Variants in WDR70 observed in about 807,000 individuals in gnomAD.
The protein encoded by WDR70 is WD repeat domain 70, also known as WD repeat-containing protein 70.
In WDR70, 53 loss-of-function variants were observed where a neutral mutation model predicts 88.6. The ratio of observed to expected loss-of-function variants is 0.60; its 90% CI spans 0.48 to 0.75. WDR70 has a LOEUF of 0.75. WDR70 is among the 30% of genes least tolerant of loss of function. The pLI, the probability that WDR70 is intolerant of heterozygous loss-of-function variation, is 0.00. For synonymous variants in WDR70, 280 were observed against 270.0 expected, an observed-to-expected ratio of 1.04 and a Z score of -0.36; for missense variants, 610 against 823.2, an observed-to-expected ratio of 0.74 and a Z score of 3.17.
intron 10 of WDR70, among the ~76,000 whole-genome samples, chr5:37,682,475 T>C (rs571130421): frequency 1.3e-5 from 2 of 151,854 alleles, no homozygotes; most frequent in African/African-American, 4.8e-5. Flanking sequence ...GCTTTGGGGT[T>C]GCTTTGCTTT....
At position 37,379,560 on chromosome 5, in the gene WDR70, T is replaced by C. The variant is rs1561829849; in HGVS notation, c.91+6T>C. On this transcript the variant is annotated splice_donor_region_variant and intron_variant, in intron 2 of 17. Coordinates refer to ENST00000265107, the MANE Select transcript of WDR70 (RefSeq NM_018034.4). ...CATGGGCTTCACGGGGTTCGGTGAG[T>C]GACTGCCCCAGGCAGAGACCCTCTT... 6.2e-7 allele frequency: 1 copy of C among 1,613,754 alleles called. No homozygotes were observed. The highest frequency in any genetic ancestry group is 1.1e-5 in the South Asian group (1 of 91,076).
At chr5:37,505,901 C>T in intron 8 of WDR70, 2 of 1,354,638 alleles carry the variant, frequency 1.5e-6, no homozygotes, top group Non-Finnish European at 2.1e-6. Context: ...TTCCTGTCAT[C>T]TGACTTCCTT....
At chr5:37,686,913 C>T (rs9292667) in intron 10 of WDR70, among the ~76,000 whole-genome samples, 5,661 of 148,132 alleles carry the variant, frequency 0.038, 378 homozygotes, top group African/African-American at 0.13. Context: ...TGTGCCATTG[C>T]ACTCCAGCCT....
intron 3 of WDR70, among the ~76,000 whole-genome samples, chr5:37,391,610 G>C (rs548421923): frequency 6.6e-6 from 1 of 152,062 alleles, no homozygotes; most frequent in Non-Finnish European, 1.5e-5. Context: ...TTCCTTTTTG[G>C]GTGAACAATA....
chr5:37,566,363 C>A (rs1742741391), intron 9 of WDR70, among the ~76,000 whole-genome samples: 1 of 151,950 alleles, frequency 6.6e-6, no homozygotes, highest in Non-Finnish European at 1.5e-5. Flanking sequence ...ATTAATTACC[C>A]AGTATTATTT....
intron 10 of WDR70, among the ~76,000 whole-genome samples, chr5:37,619,252 A>G (rs2112500873): frequency 6.6e-6 from 1 of 151,110 alleles, no homozygotes; most frequent in African/African-American, 2.5e-5. Context: ...AATTGGCAAT[A>G]TGGAGTAAAT....
At chr5:37,741,726 C>T (rs1748488177) in intron 17 of WDR70, among the ~76,000 whole-genome samples, 1 of 151,966 alleles carries the variant, frequency 6.6e-6, no homozygotes, top group Non-Finnish European at 1.5e-5. Context: ...CAATAGCAGT[C>T]TGGGGGTTGG....
chr5:37,652,650 C>T (rs955539426), intron 10 of WDR70, among the ~76,000 whole-genome samples: 2 of 152,180 alleles, frequency 1.3e-5, no homozygotes, highest in Non-Finnish European at 2.9e-5. Flanking sequence ...TGAAGAGGTC[C>T]TTCACATCCC....
At chr5:37,504,695 T>A (rs4086257) in intron 8 of WDR70, among the ~76,000 whole-genome samples, 1 of 151,980 alleles carries the variant, frequency 6.6e-6, no homozygotes, top group Non-Finnish European at 1.5e-5. Flanking sequence ...CTATGCATAT[T>A]TACCCTTTAC....
intron 5 of WDR70, among the ~76,000 whole-genome samples, chr5:37,402,293 T>TTGTGTG (rs35565451): frequency 1.2e-4 from 3 of 24,494 alleles, no homozygotes; most frequent in African/African-American, 4.4e-4. Context: ...CAGATAGTAT[T>TTGTGTG]TGTGTGTGTG....
At chr5:37,622,797 C>T (rs1007653269) in intron 10 of WDR70, among the ~76,000 whole-genome samples, 4 of 152,110 alleles carry the variant, frequency 2.6e-5, no homozygotes, top group East Asian at 1.9e-4. Context: ...TGTTAAATGA[C>T]GAGTTACTGG....
intron 10 of WDR70, among the ~76,000 whole-genome samples, chr5:37,632,802 G>A (rs1263376208): frequency 6.6e-6 from 1 of 152,122 alleles, no homozygotes; most frequent in African/African-American, 2.4e-5. Flanking sequence ...TTTATAAAGT[G>A]TACAATAGTG....
chr5:37,529,598 G>A (rs1741417912), intron 9 of WDR70, among the ~76,000 whole-genome samples: 1 of 151,944 alleles, frequency 6.6e-6, no homozygotes, highest in Admixed American at 6.6e-5. Flanking sequence ...TGTGAAAGTG[G>A]TTGAGTTCTT....
intron 13 of WDR70, among the ~76,000 whole-genome samples, chr5:37,705,176 T>C (rs1747286246): frequency 6.6e-6 from 1 of 152,162 alleles, no homozygotes. Flanking sequence ...TTTAATAAGT[T>C]TGGTGCATAA....
At chr5:37,409,519 T>C (rs1296054214) in intron 5 of WDR70, among the ~76,000 whole-genome samples, 2 of 151,824 alleles carry the variant, frequency 1.3e-5, no homozygotes, top group Non-Finnish European at 2.9e-5. Flanking sequence ...TTTTTTTTTT[T>C]TGGAGATGGA....
At chr5:37,750,916 C>G (rs1748788799) in intron 17 of WDR70, among the ~76,000 whole-genome samples, 1 of 152,168 alleles carries the variant, frequency 6.6e-6, no homozygotes, top group Admixed American at 6.5e-5. Context: ...TTTTTGGACT[C>G]TACATTTCTT....
At position 37,379,409 on chromosome 5, in the gene WDR70, G is replaced by A. The variant is rs1748348895; in HGVS notation, c.25+17G>A. On this transcript the variant is annotated intron_variant, in intron 1 of 17. Coordinates refer to ENST00000265107, the MANE Select transcript of WDR70 (RefSeq NM_018034.4). The stretch of plus-strand genomic sequence containing the variant: ...CCAGCGAAGGTGGGTTTCATGAGGC[G>A]AGTCCGGGCGGGGTGGGCCGTGTCG... 3 of 1,613,502 alleles carry A rather than the reference G, an allele frequency of 1.9e-6. No homozygotes were observed. In the East Asian group the frequency reaches 6.7e-5, roughly 36 times the overall value.
chr5:37,451,583 C>T (rs1338914216), intron 7 of WDR70, among the ~76,000 whole-genome samples: 1 of 151,522 alleles, frequency 6.6e-6, no homozygotes, highest in Non-Finnish European at 1.5e-5. Flanking sequence ...ATCCAGTGCA[C>T]ACAAACTACC....
In WDR70 at chr5:37,746,625, A is replaced by C. The variant is rs141235829; in HGVS notation, c.1878-5861A>C. Among the ~76,000 whole-genome samples the C allele has an allele frequency of 3.6e-3, 544 of 152,288 alleles. 36 individuals are homozygous for C. The East Asian group carries it at 0.095, about 27-fold the overall frequency. ...CCACAGAAATACAAACTACCATCAG[A>C]GAATACTATGAACACCTCTGAGCAA... On this transcript the variant is annotated intron_variant, in intron 17 of 17. Transcript: ENST00000265107.
Sources: allele counts gnomAD v4.1 joint callset (sites outside exome capture counted in the v4.1 genomes callset), GRCh38; gene constraint gnomAD v4.1.1; transcripts MANE v1.5; gene names NCBI Gene and HGNC (gene_info 2026-07-23, HGNC 2026-07-21).